Variants in RXRA observed in about 807,000 individuals in gnomAD.
RXRA encodes retinoid X receptor alpha, also known as retinoic acid receptor RXR-alpha.
RXRA carries 5 observed loss-of-function variants against 44.5 expected under a neutral mutation model. The observed-to-expected ratio is 0.11, with a 90% CI of 0.06 to 0.24. RXRA has a LOEUF of 0.24. RXRA is among the 10% of genes least tolerant of loss of function. The pLI, the probability that RXRA is intolerant of heterozygous loss-of-function variation, is 1.00. For missense variants in RXRA, 412 were observed against 646.5 expected (o/e 0.64, Z 3.93); for synonymous variants, 291 against 271.4 (o/e 1.07, Z -0.71).
chr9:134,339,974 C>T (rs1445033483), intron 1 of RXRA, among the ~76,000 whole-genome samples: 4 of 152,028 alleles, frequency 2.6e-5, no homozygotes, highest in Non-Finnish European at 2.9e-5. Context: ...TGTGTGCACC[C>T]GTGCATGTGT....
chr9:134,372,729 T>C (rs1008484534), intron 1 of RXRA, among the ~76,000 whole-genome samples: 1 of 152,190 alleles, frequency 6.6e-6, no homozygotes, highest in African/African-American at 2.4e-5. Flanking sequence ...TTCCCGGGAC[T>C]CTACCACCTC....
intron 1 of RXRA, among the ~76,000 whole-genome samples, chr9:134,400,049 G>A (rs578163789): frequency 6.6e-6 from 1 of 152,260 alleles, no homozygotes; most frequent in Non-Finnish European, 1.5e-5. Flanking sequence ...AGGTGCTGGG[G>A]GCAGCAGAGC....
Position 134,379,910 on chromosome 9 carries a change from C to G in RXRA, c.29-21722C>G, listed in dbSNP as rs34109829. On this transcript the variant is annotated intron_variant, in intron 1 of 9. Coordinates refer to ENST00000481739, the MANE Select transcript of RXRA (RefSeq NM_002957.6). ...CTCCAGTATGGCAGAGCCTGGAGGC[C>G]TGCTGGTCTCTGGGTCTGAGACTCT... The G allele has an allele frequency of 3.0e-6, 3 of 985,180 alleles. No homozygotes were observed. The East Asian group carries it at 3.4e-4, about 112-fold the overall frequency. The allele number at this position is 985,180 out of a possible 1,614,324, so 61.0% of individuals were successfully genotyped here. A position where few individuals can be genotyped will look rare whatever the true frequency, so the allele number is the denominator to read the frequency against.
intron 1 of RXRA, among the ~76,000 whole-genome samples, chr9:134,357,396 C>T (rs936942231): frequency 3.9e-5 from 6 of 152,222 alleles, no homozygotes; most frequent in African/African-American, 1.4e-4. Context: ...CTGATTCGCA[C>T]CTTGGCCCCT....
intron 1 of RXRA, among the ~76,000 whole-genome samples, chr9:134,399,607 ATGACCAATAGGGCTGGTTTGCAG>A (rs1302012266): frequency 6.6e-6 from 1 of 152,230 alleles, no homozygotes; most frequent in Non-Finnish European, 1.5e-5. Context: ...CAGGAGTTGA[ATGACCAATAGGGCTGGTTTGCAG>A]TACCTGTCTT....
At chr9:134,336,932 G>C (rs1830016706) in intron 1 of RXRA, among the ~76,000 whole-genome samples, 1 of 152,156 alleles carries the variant, frequency 6.6e-6, no homozygotes, top group Non-Finnish European at 1.5e-5. Flanking sequence ...CGGTTTCTGG[G>C]AGTGGGAGTA....
intron 6 of RXRA, among the ~76,000 whole-genome samples, chr9:134,427,321 A>T (rs1831451779): frequency 6.6e-6 from 1 of 151,372 alleles, no homozygotes; most frequent in Admixed American, 6.6e-5. Flanking sequence ...GGGGGACCCC[A>T]CTCTTCTTAC....
At chr9:134,372,298 C>T (rs1415820833) in intron 1 of RXRA, among the ~76,000 whole-genome samples, 3 of 152,158 alleles carry the variant, frequency 2.0e-5, no homozygotes, top group Non-Finnish European at 4.4e-5. Flanking sequence ...TGGAGGGCCG[C>T]AGCCAGGGCC....
intron 1 of RXRA, among the ~76,000 whole-genome samples, chr9:134,380,546 G>C (rs1295942058): frequency 1.3e-5 from 2 of 152,056 alleles, no homozygotes; most frequent in African/African-American, 2.4e-5. Flanking sequence ...CGGGCCCCTC[G>C]GTGTGATGGT....
chr9:134,330,312 G>T (rs1481803829), intron 1 of RXRA, among the ~76,000 whole-genome samples: 1 of 152,364 alleles, frequency 6.6e-6, no homozygotes. Flanking sequence ...GGCTTTGGTG[G>T]CCAGGGCCTT....
At chr9:134,361,342 C>T (rs1830349129) in intron 1 of RXRA, among the ~76,000 whole-genome samples, 2 of 152,168 alleles carry the variant, frequency 1.3e-5, no homozygotes, top group African/African-American at 4.8e-5. Flanking sequence ...TCCCCTGAGC[C>T]CCCAAGCCGT....
At chr9:134,386,629 G>A (rs1459106266) in intron 1 of RXRA, among the ~76,000 whole-genome samples, 1 of 152,218 alleles carries the variant, frequency 6.6e-6, no homozygotes, top group Admixed American at 6.5e-5. Flanking sequence ...TGTCATGGGA[G>A]CGTTCTGATT....
At chr9:134,387,733 C>T (rs969881351) in intron 1 of RXRA, among the ~76,000 whole-genome samples, 62 of 152,206 alleles carry the variant, frequency 4.1e-4, no homozygotes, top group Admixed American at 2.1e-3. Flanking sequence ...GCGTGCCTGC[C>T]TCGCACACTT....
rs1432789516 is a variant in RXRA, at chr9:134,408,596, C to T, written c.430+297C>T. Among the ~76,000 whole-genome samples the T allele has an allele frequency of 3.9e-5, 6 of 152,368 alleles. No homozygotes were observed. In the East Asian group the frequency reaches 1.2e-3, roughly 29 times the overall value. ...CATGGGGGCAGCCAGTGCTGCGCCTCCTCCCTTGGCTGGGTCTGGGCAAGG... is the reference window on the plus strand; with the variant it reads ...CATGGGGGCAGCCAGTGCTGCGCCTTCTCCCTTGGCTGGGTCTGGGCAAGG... On this transcript the variant is annotated intron_variant, in intron 3 of 9. Transcript: ENST00000481739.
At chr9:134,328,083 G>A (rs1317079103) in intron 1 of RXRA, among the ~76,000 whole-genome samples, 1 of 152,172 alleles carries the variant, frequency 6.6e-6, no homozygotes, top group Admixed American at 6.5e-5. Context: ...GGAATGCTGC[G>A]CTGTCTGTGA....
At chr9:134,371,532 G>A (rs1326281521) in intron 1 of RXRA, among the ~76,000 whole-genome samples, 1 of 152,234 alleles carries the variant, frequency 6.6e-6, no homozygotes, top group East Asian at 1.9e-4. Flanking sequence ...TCCATAACAT[G>A]ATCTCCCCTA....
rs1830397410 is a variant in RXRA at position 134,365,109 on chromosome 9, C to T, written c.29-36523C>T. ...GGGGTCTGGTGCTGGCAGGAGGGGG[C>T]GGGGTGAGCCAATGGCTCCGGGGCC... On this transcript the variant is annotated intron_variant, in intron 1 of 9. Transcript: ENST00000481739. This position sits in a 1 kb window ranked among gnomAD's most constrained non-coding sequence, Gnocchi z 4.0. Among the ~76,000 whole-genome samples, 1 of 151,904 alleles carries T rather than the reference C, an allele frequency of 6.6e-6. No homozygotes were observed. The highest frequency in any genetic ancestry group is 1.5e-5 in the Non-Finnish European group (1 of 68,002).
At chr9:134,422,782 C>CG in intron 6 of RXRA, 1 of 985,470 alleles carries the variant, frequency 1.0e-6, no homozygotes, top group Non-Finnish European at 1.2e-6. Flanking sequence ...GTGTACCATG[C>CG]GGGGTCTCTC....
At chr9:134,421,896 CGGGACACTCCCCTGTCCT>C (rs751096348) in intron 6 of RXRA, 91 bp downstream of exon 6, 21 of 1,547,346 alleles carry the variant, frequency 1.4e-5, no homozygotes, top group African/African-American at 1.1e-4. Flanking sequence ...TCCGCACTCC[CGGGACACTCCCCTGTCCT>C]GGGACACTCC....
Sources: gnomAD v4.1 joint callset for allele counts (sites outside exome capture counted in the v4.1 genomes callset) on GRCh38, gnomAD v4.1.1 for gene constraint, Gnocchi (gnomAD v3.1) non-coding constraint, MANE v1.5 for transcripts, NCBI Gene and HGNC (gene_info 2026-07-23, HGNC 2026-07-21) for gene names.